Variants in SAMD3 observed in about 807,000 individuals in gnomAD.
The protein encoded by SAMD3 is sterile alpha motif domain containing 3.
SAMD3 carries 63 observed loss-of-function variants against 58.5 expected under a neutral mutation model. That is an observed-to-expected ratio of 1.08 (90% CI 0.88 to 1.33). SAMD3 has a LOEUF of 1.33. SAMD3 is among the 40% of genes most tolerant of loss of function. The probability of loss-of-function intolerance (pLI) is 0.00; values close to 1 mark genes in which losing one functional copy is unlikely to be tolerated. For missense variants in SAMD3, 604 were observed against 608.4 expected, an observed-to-expected ratio of 0.99 and a Z score of 0.08; for synonymous variants, 220 against 210.3, an observed-to-expected ratio of 1.05 and a Z score of -0.40.
intron 5 of SAMD3, among the ~76,000 whole-genome samples, chr6:130,201,945 T>C (rs904737805): frequency 1.3e-5 from 2 of 152,340 alleles, no homozygotes. Flanking sequence ...TTGCAGGTAC[T>C]CGCTTACATA....
In SAMD3 at chr6:130,145,428, A is replaced by C. The variant is rs1397470081; in HGVS notation, c.1196-6T>G. On this transcript the variant is annotated splice_polypyrimidine_tract_variant and splice_region_variant and intron_variant, in intron 10 of 11. Transcript: ENST00000439090. ...TGTGGCTGTCATCTTCATGTCTGTC[A>C]AAGCAAATATGTTAACATGTGAAGT... The C allele has an allele frequency of 1.4e-5, 22 of 1,599,752 alleles. No homozygotes were observed. The highest frequency in any genetic ancestry group is 1.9e-5 in the Non-Finnish European group (22 of 1,168,324).
chr6:130,217,774 A>G (rs1003830396), intron 1 of SAMD3, among the ~76,000 whole-genome samples: 2 of 152,170 alleles, frequency 1.3e-5, no homozygotes, highest in African/African-American at 4.8e-5. Context: ...TTCTATTTGC[A>G]TTTTTCGCTT....
At chr6:130,202,265 C>T (rs1794710796) in intron 5 of SAMD3, among the ~76,000 whole-genome samples, 2 of 152,350 alleles carry the variant, frequency 1.3e-5, no homozygotes, top group South Asian at 4.1e-4. Context: ...CCATCTGAAA[C>T]AGAACCCTCC....
At chr6:130,249,875 C>T (rs909606782) in intron 2 of SAMD3, among the ~76,000 whole-genome samples, 2 of 152,130 alleles carry the variant, frequency 1.3e-5, no homozygotes, top group African/African-American at 2.4e-5. Flanking sequence ...AAGACTCTAG[C>T]CATTTAGAGT....
intron 7 of SAMD3, among the ~76,000 whole-genome samples, chr6:130,179,847 C>A (rs1792112376): frequency 8.1e-6 from 1 of 123,570 alleles, no homozygotes; most frequent in Non-Finnish European, 1.6e-5. Flanking sequence ...AAGTCTCGCT[C>A]TTGTCCCCCA....
chr6:130,215,108 T>C (rs1795919701), intron 3 of SAMD3, 87 bp downstream of exon 3: 4 of 710,186 alleles, frequency 5.6e-6, no homozygotes, highest in Non-Finnish European at 9.8e-6. Flanking sequence ...CACAGACATT[T>C]GGCAACAAAA....
chr6:130,252,981 C>T (rs1421661943), intron 2 of SAMD3, among the ~76,000 whole-genome samples: 1 of 152,190 alleles, frequency 6.6e-6, no homozygotes, highest in African/African-American at 2.4e-5. Context: ...TCTTGATTAG[C>T]TGTTTACATT....
intron 2 of SAMD3, among the ~76,000 whole-genome samples, chr6:130,254,985 T>G (rs566990593): frequency 6.6e-6 from 1 of 152,364 alleles, no homozygotes; most frequent in South Asian, 2.1e-4. Flanking sequence ...TCATAAGTTT[T>G]GGTATGTTGT....
chr6:130,229,856 G>A (rs1796494142), intron 2 of SAMD3, among the ~76,000 whole-genome samples: 1 of 152,142 alleles, frequency 6.6e-6, no homozygotes, highest in Non-Finnish European at 1.5e-5. Context: ...GAAGCTCAAA[G>A]CAAAAGAGAG....
chr6:130,281,137 T>C (rs1454583246), intron 2 of SAMD3, among the ~76,000 whole-genome samples: 1 of 152,236 alleles, frequency 6.6e-6, no homozygotes, highest in African/African-American at 2.4e-5. Flanking sequence ...TCTATCTCTC[T>C]CTTTCAAAAT....
intron 1 of SAMD3, among the ~76,000 whole-genome samples, chr6:130,322,486 T>C (rs1329182926): frequency 6.6e-6 from 1 of 152,086 alleles, no homozygotes; most frequent in African/African-American, 2.4e-5. Context: ...AAGTACATTG[T>C]AGTAGCCGGG....
At chr6:130,208,282 G>T (rs1041974887) in intron 5 of SAMD3, among the ~76,000 whole-genome samples, 8 of 152,292 alleles carry the variant, frequency 5.3e-5, no homozygotes, top group East Asian at 1.9e-4. Flanking sequence ...CATTGCATTT[G>T]CTTGTTAGTG....
chr6:130,180,415 G>A (rs971009376), intron 7 of SAMD3, among the ~76,000 whole-genome samples: 3 of 150,058 alleles, frequency 2.0e-5, no homozygotes, highest in Non-Finnish European at 4.4e-5. Context: ...GATTATAGGC[G>A]TGAACCACCA....
chr6:130,240,904 T>C (rs1047654348), intron 2 of SAMD3, among the ~76,000 whole-genome samples: 11 of 152,170 alleles, frequency 7.2e-5, no homozygotes, highest in African/African-American at 2.7e-4. Context: ...TATTCTATTA[T>C]AGCAGCATGA....
intron 9 of SAMD3, among the ~76,000 whole-genome samples, chr6:130,153,656 A>G (rs764390817): frequency 5.6e-4 from 52 of 92,462 alleles, no homozygotes; most frequent in Non-Finnish European, 8.1e-4. Flanking sequence ...TCATATATAT[A>G]TATATATATT....
chr6:130,151,847 T>C (rs971072316), intron 9 of SAMD3, among the ~76,000 whole-genome samples: 1 of 152,214 alleles, frequency 6.6e-6, no homozygotes, highest in African/African-American at 2.4e-5. Flanking sequence ...CTATGGCATC[T>C]GAAAGGATTT....
chr6:130,184,326 C>T lies in SAMD3; in HGVS notation c.569+112G>A, dbSNP rs576494003. The T allele has an allele frequency of 2.0e-5, 24 of 1,189,902 alleles. No individual in the cohort carries two copies. In the African/African-American group the frequency reaches 3.4e-4, roughly 17 times the overall value. 73.7% of individuals were successfully genotyped at this position (1,189,902 alleles called of 1,614,324 possible). On this transcript the variant is annotated intron_variant, in intron 6 of 11. Transcript: ENST00000439090. ...GATTTAAATATTGGGCAATTGGGACCTATTACCAATATATCATCCACAATC... is the reference window on the plus strand; with the variant it reads ...GATTTAAATATTGGGCAATTGGGACTTATTACCAATATATCATCCACAATC...
At chr6:130,364,525 A>G (rs924440279) in intron 1 of SAMD3, among the ~76,000 whole-genome samples, 4 of 152,132 alleles carry the variant, frequency 2.6e-5, no homozygotes, top group Non-Finnish European at 5.9e-5. Flanking sequence ...AGAGGGCCCA[A>G]TGGAAGCACA....
intron 1 of SAMD3, among the ~76,000 whole-genome samples, chr6:130,333,991 A>C (rs1409638456): frequency 6.6e-6 from 1 of 152,244 alleles, no homozygotes. Context: ...GTTCCTGCAC[A>C]GAAAATACCA....
Sources: gnomAD v4.1 joint callset for allele counts (sites outside exome capture counted in the v4.1 genomes callset) on GRCh38, gnomAD v4.1.1 for gene constraint, MANE v1.5 for transcripts, NCBI Gene and HGNC (gene_info 2026-07-23, HGNC 2026-07-21) for gene names.